The following PTPRD variants were observed in gnomAD, a reference collection of about 807,000 sequenced individuals.
PTPRD encodes the protein protein tyrosine phosphatase receptor type D.
Under a neutral mutation model 214.5 loss-of-function variants are expected in PTPRD, and 34 were observed. The ratio of observed to expected loss-of-function variants is 0.16; its 90% CI spans 0.12 to 0.21. The LOEUF is 0.21. PTPRD is among the 10% of genes least tolerant of loss of function. PTPRD has a pLI of 1.00. For synonymous variants in PTPRD, 1,128 were observed against 845.7 expected, an observed-to-expected ratio of 1.33 and a Z score of -5.79; for missense variants, 2,545 against 2,398.7, an observed-to-expected ratio of 1.06 and a Z score of -1.27.
intron 12 of PTPRD, among the ~76,000 whole-genome samples, chr9:8,640,092 G>A (rs1433724870): frequency 6.6e-6 from 1 of 152,018 alleles, no homozygotes; most frequent in African/African-American, 2.4e-5. Flanking sequence ...CACCATGCCT[G>A]GGTAATGTTT....
rs1433937298 is a variant in PTPRD at position 9,955,731 on chromosome 9, G to C, written c.-471-17121C>G. On this transcript the variant is annotated intron_variant, in intron 4 of 45. Coordinates refer to ENST00000381196, the MANE Select transcript of PTPRD (RefSeq NM_002839.4). ...GTAGAGACAGGGTTTCACCGTGTTA[G>C]CCAGGATGGTCTCGATCTCCTGACC... Among the ~76,000 whole-genome samples the C allele has an allele frequency of 3.3e-5, 5 of 152,208 alleles. No individual in the cohort carries two copies. The East Asian group carries it at 5.8e-4, about 18-fold the overall frequency.
Position 8,633,508 on chromosome 9 carries a change from T to C in PTPRD, c.211-50A>G, listed in dbSNP as rs1350840448. The C allele has an allele frequency of 5.6e-6, 9 of 1,597,926 alleles. No homozygotes were observed. The Admixed American group carries it at 8.7e-5, about 15-fold the overall frequency. On this transcript the variant is annotated intron_variant, in intron 13 of 45. Transcript: ENST00000381196. ...ACAGGTGTTGTTACAATTGTCTACC[T>C]CTCAGCTAAAGCTCTCAATACAGTG...
intron 2 of PTPRD, among the ~76,000 whole-genome samples, chr9:10,490,299 TAATG>T (rs1175556137): frequency 3.3e-5 from 5 of 152,196 alleles, no homozygotes; most frequent in Admixed American, 2.0e-4. Flanking sequence ...TATTTTATAT[TAATG>T]AATGATTTAA....
chr9:9,084,854 T>C (rs1004483782), intron 10 of PTPRD, among the ~76,000 whole-genome samples: 4 of 152,184 alleles, frequency 2.6e-5, no homozygotes, highest in Admixed American at 2.6e-4. Flanking sequence ...TATCAAAATA[T>C]CAACATTTTA....
At chr9:9,571,476 T>C (rs1037473704) in intron 8 of PTPRD, among the ~76,000 whole-genome samples, 18 of 151,346 alleles carry the variant, frequency 1.2e-4, no homozygotes, top group African/African-American at 4.3e-4. Context: ...GCAATAAATA[T>C]ATTTTAACAA....
At chr9:9,325,077 C>A (rs977326186) in intron 9 of PTPRD, among the ~76,000 whole-genome samples, 5 of 152,176 alleles carry the variant, frequency 3.3e-5, no homozygotes, top group African/African-American at 1.2e-4. Context: ...AAGTACCACG[C>A]TGTTTTGGTT....
intron 2 of PTPRD, among the ~76,000 whole-genome samples, chr9:10,372,836 C>CATTATT (rs6150914): frequency 0.058 from 8,447 of 146,524 alleles, 800 homozygotes; most frequent in African/African-American, 0.19. Context: ...TGTTTTTATA[C>CATTATT]ATTATTATTA....
At chr9:10,466,063 A>AG (rs1481561656) in intron 2 of PTPRD, among the ~76,000 whole-genome samples, 1 of 152,214 alleles carries the variant, frequency 6.6e-6, no homozygotes, top group African/African-American at 2.4e-5. Flanking sequence ...AATTTGCAGT[A>AG]GCTGGGGATA....
intron 3 of PTPRD, among the ~76,000 whole-genome samples, chr9:10,149,691 A>G (rs1463479410): frequency 6.6e-6 from 1 of 151,746 alleles, no homozygotes; most frequent in Non-Finnish European, 1.5e-5. Flanking sequence ...ACTGTGGACA[A>G]TTCAAATGAA....
intron 4 of PTPRD, among the ~76,000 whole-genome samples, chr9:9,997,232 G>A (rs893733084): frequency 2.0e-5 from 3 of 150,712 alleles, no homozygotes; most frequent in African/African-American, 7.3e-5. Flanking sequence ...TCACTAGGGA[G>A]ACTTAACATT....
At chr9:9,668,563 T>G (rs1307249679) in intron 7 of PTPRD, among the ~76,000 whole-genome samples, 1 of 152,176 alleles carries the variant, frequency 6.6e-6, no homozygotes, top group Non-Finnish European at 1.5e-5. Flanking sequence ...AATTATAAAC[T>G]AACTCTTAAC....
chr9:8,381,478 A>T (rs1299903172), intron 37 of PTPRD, among the ~76,000 whole-genome samples: 2 of 151,852 alleles, frequency 1.3e-5, no homozygotes, highest in African/African-American at 4.8e-5. Context: ...TCTGCACTCA[A>T]TCAATATTTG....
intron 8 of PTPRD, among the ~76,000 whole-genome samples, chr9:9,434,613 G>T (rs755169944): frequency 9.2e-5 from 14 of 151,912 alleles, no homozygotes; most frequent in Admixed American, 2.6e-4. Context: ...ATACTACCTG[G>T]CTTCAAAATA....
At chr9:9,070,227 T>A (rs1274900168) in intron 10 of PTPRD, among the ~76,000 whole-genome samples, 1 of 152,254 alleles carries the variant, frequency 6.6e-6, no homozygotes, top group South Asian at 2.1e-4. Context: ...AAGGAATTTA[T>A]GCAATTCAAA....
At chr9:9,141,044 C>A (rs1042545201) in intron 10 of PTPRD, among the ~76,000 whole-genome samples, 2 of 151,926 alleles carry the variant, frequency 1.3e-5, no homozygotes, top group African/African-American at 4.8e-5. Context: ...GTGTTTAAAT[C>A]CTGTAAATAT....
At chr9:10,147,001 C>T (rs1027008989) in intron 3 of PTPRD, among the ~76,000 whole-genome samples, 1 of 149,266 alleles carries the variant, frequency 6.7e-6, no homozygotes, top group Admixed American at 6.7e-5. Context: ...AAAATAAATG[C>T]CTGGGCACAG....
intron 3 of PTPRD, among the ~76,000 whole-genome samples, chr9:10,337,251 A>G (rs965541220): frequency 4.0e-5 from 6 of 151,712 alleles, no homozygotes; most frequent in Admixed American, 3.3e-4. Context: ...TCATTATTAT[A>G]TATGTACACA....
chr9:10,390,012 A>C (rs2098023162), intron 2 of PTPRD, among the ~76,000 whole-genome samples: 1 of 151,656 alleles, frequency 6.6e-6, no homozygotes, highest in Admixed American at 6.6e-5. Context: ...GCTCAAGATA[A>C]TTTTCTGTTT....
At chr9:10,271,087 G>T (rs2094392812) in intron 3 of PTPRD, among the ~76,000 whole-genome samples, 1 of 152,056 alleles carries the variant, frequency 6.6e-6, no homozygotes, top group African/African-American at 2.4e-5. Context: ...GCCTCCCAAA[G>T]TACTGAAATT....
Sources: gnomAD v4.1 joint callset for allele counts (sites outside exome capture counted in the v4.1 genomes callset) on GRCh38, gnomAD v4.1.1 for gene constraint, MANE v1.5 for transcripts, NCBI Gene and HGNC (gene_info 2026-07-23, HGNC 2026-07-21) for gene names.